DOCK4: variants seen among roughly 807,000 people sequenced by gnomAD.
DOCK4 encodes the protein dedicator of cytokinesis protein 4.
DOCK4 carries 97 observed loss-of-function variants against 268.1 expected under a neutral mutation model. That is an observed-to-expected ratio of 0.36 (90% CI 0.31 to 0.43). The LOEUF (loss-of-function observed/expected upper bound fraction) is 0.43, where lower values mean the gene tolerates loss of function less well. Ranked by LOEUF, DOCK4 falls within the 20% of genes least tolerant of loss-of-function variation. The pLI is 1.00. For synonymous variants in DOCK4, 954 were observed against 887.2 expected (o/e 1.08, Z -1.34); for missense variants, 2,145 against 2,455.7 (o/e 0.87, Z 2.67).
intron 42 of DOCK4, 140 bp from the exon 43 acceptor site, chr7:111,747,583 T>C (rs1049816877): frequency 5.0e-6 from 4 of 800,706 alleles, no homozygotes; most frequent in Non-Finnish European, 7.6e-6. Flanking sequence ...TTCCGTAGAA[T>C]AGACAAGGAT....
intron 1 of DOCK4, among the ~76,000 whole-genome samples, chr7:112,090,554 C>T (rs1809529722): frequency 1.3e-5 from 2 of 152,220 alleles, no homozygotes; most frequent in South Asian, 4.1e-4. Context: ...ACAGGAGACT[C>T]TATGATCTTT....
chr7:111,821,970 G>T (rs955737563), intron 27 of DOCK4, among the ~76,000 whole-genome samples: 1 of 152,194 alleles, frequency 6.6e-6, no homozygotes, highest in African/African-American at 2.4e-5. Flanking sequence ...AGAATGAAAG[G>T]CTTTCTATCT....
intron 1 of DOCK4, among the ~76,000 whole-genome samples, chr7:112,066,868 G>A (rs2135641328): frequency 6.6e-6 from 1 of 150,460 alleles, no homozygotes; most frequent in African/African-American, 2.4e-5. Context: ...CAATGGGCTG[G>A]GCACAGTGGC....
intron 49 of DOCK4, among the ~76,000 whole-genome samples, 159 bp from the exon 50 acceptor site, chr7:111,737,148 A>G (rs1209732411): frequency 6.6e-6 from 1 of 152,214 alleles, no homozygotes; most frequent in African/African-American, 2.4e-5. Flanking sequence ...ATATTTAAGT[A>G]AAAGGGGGTG....
chr7:112,110,689 C>A (rs1156419191), intron 1 of DOCK4, among the ~76,000 whole-genome samples: 1 of 152,190 alleles, frequency 6.6e-6, no homozygotes, highest in Non-Finnish European at 1.5e-5. Context: ...CCTGGAGTGA[C>A]TTCTGGATTG....
chr7:112,138,753 T>C (rs907961792), intron 1 of DOCK4, among the ~76,000 whole-genome samples: 2 of 152,214 alleles, frequency 1.3e-5, no homozygotes, highest in Admixed American at 6.5e-5. Flanking sequence ...CTTTGGTAGG[T>C]AATGAGGTTT....
intron 1 of DOCK4, among the ~76,000 whole-genome samples, chr7:112,145,059 A>G (rs1239241949): frequency 6.6e-6 from 1 of 152,178 alleles, no homozygotes; most frequent in Admixed American, 6.5e-5. Flanking sequence ...AACGATATCT[A>G]TTAATATGTT....
At chr7:112,205,718 T>C (rs3807884) in intron 1 of DOCK4, among the ~76,000 whole-genome samples, 14,824 of 151,914 alleles carry the variant, frequency 0.098, 930 homozygotes, top group East Asian at 0.15. Context: ...CCTGTCGCTT[T>C]GGGGAAGAAG....
intron 1 of DOCK4, among the ~76,000 whole-genome samples, chr7:112,028,100 G>A (rs1802964195): frequency 6.6e-6 from 1 of 152,200 alleles, no homozygotes; most frequent in African/African-American, 2.4e-5. Flanking sequence ...GAAAGGAAAG[G>A]AACAGCAAGC....
chr7:112,192,438 T>C (rs551149834), intron 1 of DOCK4, among the ~76,000 whole-genome samples: 1 of 152,264 alleles, frequency 6.6e-6, no homozygotes, highest in African/African-American at 2.4e-5. Context: ...TCTATTCTTT[T>C]GTAGAAGTTC....
At chr7:112,078,126 T>C (rs1808249801) in intron 1 of DOCK4, among the ~76,000 whole-genome samples, 1 of 152,168 alleles carries the variant, frequency 6.6e-6, no homozygotes, top group Admixed American at 6.6e-5. Flanking sequence ...CATAAATTCA[T>C]CAAATTTCTC....
chr7:111,925,870 G>A (rs1222723588), intron 12 of DOCK4, among the ~76,000 whole-genome samples: 3 of 152,138 alleles, frequency 2.0e-5, no homozygotes, highest in South Asian at 2.1e-4. Flanking sequence ...GGCAGATCAC[G>A]AGGTCAGGAG....
chr7:111,822,965 G>A (rs938621485), intron 26 of DOCK4, among the ~76,000 whole-genome samples: 2 of 152,176 alleles, frequency 1.3e-5, no homozygotes, highest in Non-Finnish European at 2.9e-5. Flanking sequence ...TTAATGGAAT[G>A]TATGCAGGTT....
chr7:112,102,847 TATGCCAA>T (rs1810816440), intron 1 of DOCK4, among the ~76,000 whole-genome samples: 1 of 138,026 alleles, frequency 7.2e-6, no homozygotes, highest in South Asian at 2.3e-4. Flanking sequence ...TGAGTTAATA[TATGCCAA>T]ACACTTTTTT....
At chr7:111,785,803 A>G (rs1799125671) in intron 32 of DOCK4, among the ~76,000 whole-genome samples, 1 of 152,194 alleles carries the variant, frequency 6.6e-6, no homozygotes, top group Non-Finnish European at 1.5e-5. Context: ...CCCTGATAAC[A>G]GTGAAAGGGG....
intron 8 of DOCK4, among the ~76,000 whole-genome samples, chr7:111,956,085 T>G (rs1208858165): frequency 6.6e-6 from 1 of 152,176 alleles, no homozygotes; most frequent in East Asian, 1.9e-4. Flanking sequence ...GTAGGCAGAA[T>G]GCGTTCTGCT....
chr7:111,976,140 C>CAAA (rs1166982968), intron 8 of DOCK4, among the ~76,000 whole-genome samples: 3 of 28,950 alleles, frequency 1.0e-4, no homozygotes, highest in African/African-American at 6.2e-4. Flanking sequence ...GACTCCATCT[C>CAAA]AAAAAAAAAA....
At chr7:111,783,037 GC>G in intron 34 of DOCK4, 113 bp from the exon 35 acceptor site, 1 of 961,900 alleles carries the variant, frequency 1.0e-6, no homozygotes, top group Non-Finnish European at 1.6e-6. Context: ...AAAAAAAGAA[GC>G]CACTTTTAGG....
chr7:111,783,018 G>GA (rs35825505), intron 34 of DOCK4, 94 bp from the exon 35 acceptor site: 42,896 of 506,566 alleles, frequency 0.085, 952 homozygotes, highest in African/African-American at 0.21. Flanking sequence ...AAGAAAGAAA[G>GA]AAAAAAAAAA....
Sources: allele counts gnomAD v4.1 joint callset (sites outside exome capture counted in the v4.1 genomes callset), GRCh38; gene constraint gnomAD v4.1.1; transcripts MANE v1.5; gene names NCBI Gene and HGNC (gene_info 2026-07-23, HGNC 2026-07-21).